The following FRYL variants were observed in gnomAD, a reference collection of about 807,000 sequenced individuals.
The protein encoded by FRYL is protein furry homolog-like.
FRYL carries 150 observed loss-of-function variants against 351.2 expected under a neutral mutation model. That is an observed-to-expected ratio of 0.43 (90% CI 0.37 to 0.49). The LOEUF is 0.49. Among genes scored for constraint, FRYL ranks in the 20% least tolerant of loss-of-function variants. FRYL has a pLI of 0.00. For missense variants in FRYL, 3,036 were observed against 3,619.3 expected (o/e 0.84, Z 4.13); for synonymous variants, 1,153 against 1,257.1 (o/e 0.92, Z 1.75).
At chr4:48,736,804 C>A (rs1437197564) in intron 1 of FRYL, among the ~76,000 whole-genome samples, 1 of 140,288 alleles carries the variant, frequency 7.1e-6, no homozygotes, top group African/African-American at 2.7e-5. Flanking sequence ...GAGCCAAGAT[C>A]GCACCACTGC....
chr4:48,759,912 C>A lies in FRYL; in HGVS notation c.-384+20166G>T, dbSNP rs185685496. ...CTTCTGCCATGGAACATAACATGCACAGGTTCTAGGGATTAGGGTGTGGAC... is the reference window on the plus strand; with the variant it reads ...CTTCTGCCATGGAACATAACATGCAAAGGTTCTAGGGATTAGGGTGTGGAC... On this transcript the variant is annotated intron_variant, in intron 1 of 63. Coordinates refer to ENST00000358350, the MANE Select transcript of FRYL (RefSeq NM_015030.2). 2.7e-3 allele frequency among the ~76,000 whole-genome samples: 414 copies of A among 152,326 alleles called. 3 individuals are homozygous for A. The highest frequency in any genetic ancestry group is 9.1e-3 in the African/African-American group (377 of 41,558).
rs939648262 is a variant in FRYL, at chr4:48,576,814, T to A, written c.2529-592A>T. Among the ~76,000 whole-genome samples the A allele has an allele frequency of 4.6e-5, 7 of 152,298 alleles. No homozygotes were observed. In the East Asian group the frequency reaches 1.3e-3, roughly 29 times the overall value. On this transcript the variant is annotated intron_variant, in intron 23 of 63. Transcript: ENST00000358350. ...TACTCAATGTAGAAAGAAAACAAAA[T>A]CAAAATCACCTTTAATCCCACATGA... is the stretch of plus-strand genomic sequence containing the variant.
At chr4:48,706,202 GT>G (rs1253020901) in intron 2 of FRYL, among the ~76,000 whole-genome samples, 1 of 152,154 alleles carries the variant, frequency 6.6e-6, no homozygotes, top group Non-Finnish European at 1.5e-5. Context: ...TGAATACCTT[GT>G]TCCTAGCATC....
At chr4:48,767,647 T>C (rs757603203) in intron 1 of FRYL, among the ~76,000 whole-genome samples, 6 of 152,082 alleles carry the variant, frequency 3.9e-5, no homozygotes, top group Non-Finnish European at 7.4e-5. Context: ...AGAATGGTGG[T>C]TGCCAGAACC....
chr4:48,639,268 T>C (rs1754866263), intron 3 of FRYL, among the ~76,000 whole-genome samples: 1 of 151,944 alleles, frequency 6.6e-6, no homozygotes, highest in Non-Finnish European at 1.5e-5. Context: ...AGAAGAAAAA[T>C]GTCAGAGGAC....
intron 1 of FRYL, among the ~76,000 whole-genome samples, chr4:48,768,946 C>T (rs1223760248): frequency 6.6e-6 from 1 of 152,080 alleles, no homozygotes; most frequent in Non-Finnish European, 1.5e-5. Context: ...GCCTGGACAA[C>T]ACAGCGACGC....
chr4:48,679,516 A>C (rs540135067), intron 3 of FRYL, among the ~76,000 whole-genome samples: 1 of 152,222 alleles, frequency 6.6e-6, no homozygotes, highest in African/African-American at 2.4e-5. Flanking sequence ...TAGAACAGAA[A>C]ATAGGAGAAT....
intron 3 of FRYL, among the ~76,000 whole-genome samples, chr4:48,667,226 C>T (rs979972733): frequency 1.3e-5 from 2 of 152,128 alleles, no homozygotes; most frequent in South Asian, 2.1e-4. Flanking sequence ...TAGGTATACC[C>T]TAGTGGACAA....
intron 53 of FRYL, among the ~76,000 whole-genome samples, chr4:48,526,426 G>C (rs906411550): frequency 1.3e-5 from 2 of 152,170 alleles, no homozygotes; most frequent in African/African-American, 4.8e-5. Context: ...CTATTCACTA[G>C]AGTGGTTGTT....
chr4:48,504,083 C>A (rs1231746731), intron 60 of FRYL, among the ~76,000 whole-genome samples: 1 of 152,030 alleles, frequency 6.6e-6, no homozygotes, highest in African/African-American at 2.4e-5. Flanking sequence ...AGCAATTACT[C>A]TAAATATGCT....
chr4:48,572,468 A>C (rs1245084531), intron 26 of FRYL, among the ~76,000 whole-genome samples: 3 of 152,202 alleles, frequency 2.0e-5, no homozygotes, highest in Non-Finnish European at 4.4e-5. Flanking sequence ...AAGTTTGCAA[A>C]TGCTGTTCTT....
chr4:48,764,551 A>G lies in FRYL; in HGVS notation c.-384+15527T>C, dbSNP rs546035498. The stretch of plus-strand genomic sequence containing the variant: ...GTTTCAAAAAAAAAGAAAAGAAAAG[A>G]AAAGAAAAAACATTAACTGCATTTC... On this transcript the variant is annotated intron_variant, in intron 1 of 63. Coordinates refer to ENST00000358350, the MANE Select transcript of FRYL (RefSeq NM_015030.2). Among the ~76,000 whole-genome samples the G allele has an allele frequency of 5.3e-5, 8 of 152,138 alleles. No homozygotes were observed. The South Asian group carries it at 1.2e-3, about 24-fold the overall frequency.
intron 1 of FRYL, among the ~76,000 whole-genome samples, chr4:48,715,024 CAT>C (rs1362544440): frequency 1.3e-5 from 2 of 152,186 alleles, no homozygotes; most frequent in Non-Finnish European, 2.9e-5. Flanking sequence ...ACAAAAACCA[CAT>C]GATTATCTCA....
chr4:48,546,970 T>C (rs1314595838), intron 41 of FRYL, among the ~76,000 whole-genome samples: 1 of 61,072 alleles, frequency 1.6e-5, no homozygotes, highest in African/African-American at 5.7e-5. Flanking sequence ...TCTGACACTG[T>C]ATGATTAGAA....
chr4:48,503,682 C>G (rs1416498358), intron 60 of FRYL, among the ~76,000 whole-genome samples: 1 of 152,090 alleles, frequency 6.6e-6, no homozygotes, highest in Non-Finnish European at 1.5e-5. Flanking sequence ...AAATAGTTTC[C>G]TGTGAAGGAC....
At chr4:48,719,889 C>T (rs1429512103) in intron 1 of FRYL, among the ~76,000 whole-genome samples, 3 of 151,460 alleles carry the variant, frequency 2.0e-5, no homozygotes, top group South Asian at 2.1e-4. Flanking sequence ...TGGTGGCTCA[C>T]GCCTGTAATC....
At chr4:48,768,123 G>A (rs1775150575) in intron 1 of FRYL, among the ~76,000 whole-genome samples, 1 of 152,168 alleles carries the variant, frequency 6.6e-6, no homozygotes, top group African/African-American at 2.4e-5. Context: ...AGGAAAGGTG[G>A]CAGTTGCACA....
rs1183415344 is a variant in FRYL, at chr4:48,623,149, C to T, written c.151G>A (p.Gly51Ser). The change falls in exon 5 of 64, where the codon GGT (glycine) becomes AGT (serine). Residue 51 changes from glycine (G) to serine (S), a missense_variant. By Grantham distance (56) the Gly-to-Ser change is moderately conservative. Coordinates refer to ENST00000358350, the MANE Select transcript of FRYL (RefSeq NM_015030.2). ...ACCTGATCAAACTGAAGATCTTCAC[C>T]CCTCTGAAGAGATCTGGACAATAGC... The part of the protein sequence containing the change: ...EKLLSRSLQR[G>S]EDLQFDQLIS... 3 of 1,574,386 alleles carry T rather than the reference C, an allele frequency of 1.9e-6. No individual in the cohort carries two copies. The highest frequency in any genetic ancestry group is 2.8e-5 in the African/African-American group (2 of 72,274).
At chr4:48,587,548 T>A (rs1742364654) in intron 18 of FRYL, among the ~76,000 whole-genome samples, 2 of 152,072 alleles carry the variant, frequency 1.3e-5, no homozygotes, top group African/African-American at 2.4e-5. Context: ...TTTTTATTTT[T>A]TATTTTTTTT....
Sources: gnomAD v4.1 joint callset for allele counts (sites outside exome capture counted in the v4.1 genomes callset) on GRCh38, gnomAD v4.1.1 for gene constraint, MANE v1.5 for transcripts, NCBI Gene and HGNC (gene_info 2026-07-23, HGNC 2026-07-21) for gene names.